PHF3: variants seen among roughly 807,000 people sequenced by gnomAD.
PHF3 encodes the protein PHD finger protein 3.
A neutral mutation model predicts 178.4 loss-of-function variants in PHF3; 41 were observed. The ratio of observed to expected loss-of-function variants is 0.23; its 90% CI spans 0.18 to 0.30. The LOEUF (loss-of-function observed/expected upper bound fraction) is 0.30, where lower values mean the gene tolerates loss of function less well. PHF3 is among the 10% of genes least tolerant of loss of function. The pLI is 1.00. For synonymous variants in PHF3, 842 were observed against 800.5 expected, an observed-to-expected ratio of 1.05 and a Z score of -0.88; for missense variants, 2,346 against 2,398.1, an observed-to-expected ratio of 0.98 and a Z score of 0.45.
Position 63,646,793 on chromosome 6 carries a change from C to G in PHF3, c.242C>G (p.Thr81Arg). 8.6e-7 allele frequency: 1 copy of G among 1,157,508 alleles called. No homozygotes were observed. Among genetic ancestry groups the G allele is most frequent in the Non-Finnish European group, 1.1e-6 (1 of 891,606 alleles). 71.7% of individuals were successfully genotyped at this position (1,157,508 alleles called of 1,614,324 possible). Residue 81 changes from threonine (T) to arginine (R), a missense_variant and splice_region_variant, in exon 2 of 16, where the codon ACA becomes AGA. Physicochemically the swap from Thr to Arg is moderately conservative, Grantham distance 71. Around this residue, in one of 8 missense-constraint regions of PHF3, gnomAD observed 843 missense variants for 795.2 expected, o/e 1.06. Coordinates refer to ENST00000262043, the MANE Select transcript of PHF3 (RefSeq NM_001370348.2). ...NDPNFQMPCS[T>R]VVGLDDIMDE... is the part of the protein sequence containing the mutation. ...CCCAATTTCCAGATGCCTTGTTCAA[C>G]AGGTAATTCTTACTTTTTTTTTTTT...
At chr6:63,681,003 A>G (rs11758738) in intron 3 of PHF3, among the ~76,000 whole-genome samples, 11,874 of 152,104 alleles carry the variant, frequency 0.078, 533 homozygotes, top group East Asian at 0.16. Flanking sequence ...TGTGAGAAAA[A>G]GGAGCTGTGA....
At chr6:63,701,682 A>G (rs78743020) in intron 9 of PHF3, among the ~76,000 whole-genome samples, 1 of 152,148 alleles carries the variant, frequency 6.6e-6, no homozygotes, top group East Asian at 1.9e-4. Flanking sequence ...TTGACATATC[A>G]TACTTCTTCA....
intron 6 of PHF3, among the ~76,000 whole-genome samples, chr6:63,697,247 G>A (rs912704331): frequency 6.6e-6 from 1 of 152,096 alleles, no homozygotes; most frequent in Non-Finnish European, 1.5e-5. Flanking sequence ...AATGTAGGTA[G>A]GTTGGATTTG....
At position 63,698,429 on chromosome 6, in the gene PHF3, T is replaced by A; in HGVS notation, c.2826-20T>A. ...ATGCTTTATACATTTGAAAAATAAT[T>A]GAATTGTTCTAATTTTAAGACTTAC... On this transcript the variant is annotated intron_variant, in intron 7 of 15. Coordinates refer to ENST00000262043, the MANE Select transcript of PHF3 (RefSeq NM_001370348.2). The A allele has an allele frequency of 6.3e-7, 1 of 1,585,874 alleles. No homozygotes were observed. Among genetic ancestry groups the A allele is most frequent in the Non-Finnish European group, 8.6e-7 (1 of 1,166,166 alleles).
In PHF3 at chr6:63,711,932, T is replaced by A; in HGVS notation, c.4344T>A (p.Ile1448=). The A allele has an allele frequency of 6.2e-7, 1 of 1,613,994 alleles. No individual in the cohort carries two copies. The highest frequency in any genetic ancestry group is 8.5e-7 in the Non-Finnish European group (1 of 1,179,944). ...TAAGATTTCTTCCTGGCGTGTTGATTGGCTGGGAGAATCAACCTACTACTC... is the reference window on the plus strand; with the variant it reads ...TAAGATTTCTTCCTGGCGTGTTGATAGGCTGGGAGAATCAACCTACTACTC... ...KPLRFLPGVL[I]GWENQPTTLE... The change falls in exon 16 of 16, where the codon ATT becomes ATA. Residue 1448 remains isoleucine (I), a synonymous_variant. Transcript: ENST00000262043.
At chr6:63,672,741 A>T (rs1034456322) in intron 2 of PHF3, among the ~76,000 whole-genome samples, 2 of 152,318 alleles carry the variant, frequency 1.3e-5, no homozygotes, top group East Asian at 1.9e-4. Context: ...TTAACAGCAG[A>T]CAGATTAGAA....
intron 2 of PHF3, among the ~76,000 whole-genome samples, chr6:63,651,765 T>C (rs915985770): frequency 2.0e-5 from 3 of 152,170 alleles, no homozygotes; most frequent in African/African-American, 4.8e-5. Context: ...TTGTGTGAGC[T>C]CAACTCTTTT....
chr6:63,638,031 C>T (rs1004764216), intron 1 of PHF3, among the ~76,000 whole-genome samples: 8 of 152,070 alleles, frequency 5.3e-5, no homozygotes, highest in African/African-American at 1.9e-4. Flanking sequence ...TTATGGTATA[C>T]TTATATGTTG....
rs1221154513 is a variant in PHF3 at position 63,722,659 on chromosome 6, C to T, written c.*8951C>T. Among the ~76,000 whole-genome samples the T allele has an allele frequency of 6.6e-6, 1 of 152,180 alleles. No individual in the cohort carries two copies. Among genetic ancestry groups the T allele is most frequent in the Admixed American group, 6.6e-5 (1 of 15,264 alleles). ...AGAAGTCTCCACGAAACATTTTCTTCTCCCTCTGAAATTTCCCAACCTTTT... is the reference window on the plus strand; with the variant it reads ...AGAAGTCTCCACGAAACATTTTCTTTTCCCTCTGAAATTTCCCAACCTTTT... On this transcript the variant is annotated 3_prime_UTR_variant, in exon 16 of 16. Coordinates refer to ENST00000262043, the MANE Select transcript of PHF3 (RefSeq NM_001370348.2).
chr6:63,641,350 T>TGC (rs1432756589), intron 1 of PHF3, among the ~76,000 whole-genome samples: 3 of 152,248 alleles, frequency 2.0e-5, no homozygotes. Context: ...CCATCACTAT[T>TGC]GCCTTGTATA....
rs147248191 is a variant in PHF3 at position 63,664,040 on chromosome 6, T to G, written c.245-15960T>G. 6.6e-5 allele frequency among the ~76,000 whole-genome samples: 10 copies of G among 152,292 alleles called. No homozygotes were observed. The East Asian group carries it at 1.9e-3, about 29-fold the overall frequency. On this transcript the variant is annotated intron_variant, in intron 2 of 15. Transcript: ENST00000262043. ...GTGTCATTTTTTTTATGGGTAACCA[T>G]GTACCCAGCTAAAAAATAGGAATTC...
At position 63,724,703 on chromosome 6, in the gene PHF3, T is replaced by C. The variant is rs919320852; in HGVS notation, c.*10995T>C. 6.6e-6 allele frequency among the ~76,000 whole-genome samples: 1 copy of C among 152,170 alleles called. No homozygotes were observed. Among genetic ancestry groups the C allele is most frequent in the African/African-American group, 2.4e-5 (1 of 41,444 alleles). ...ATCTAGTATAATTTTCAAGTTATCATTTTGTTTTAAATTTTACACTACTTG... is the reference window on the plus strand; with the variant it reads ...ATCTAGTATAATTTTCAAGTTATCACTTTGTTTTAAATTTTACACTACTTG... On this transcript the variant is annotated 3_prime_UTR_variant, in exon 16 of 16. Transcript: ENST00000262043.
intron 12 of PHF3, 55 bp downstream of exon 12, chr6:63,706,279 A>C (rs1183559988): frequency 6.6e-6 from 9 of 1,357,170 alleles, no homozygotes; most frequent in Non-Finnish European, 9.1e-6. Context: ...TTGCCAGATT[A>C]TACTTGCAAG....
At chr6:63,679,818 A>T in intron 2 of PHF3, 182 bp from the exon 3 acceptor site, 1 of 649,538 alleles carries the variant, frequency 1.5e-6, no homozygotes, top group Non-Finnish European at 2.8e-6. Context: ...GAAGTTTATA[A>T]AACTGACTTG....
chr6:63,709,083 T>C (rs767330121), intron 13 of PHF3, 68 bp from the exon 14 acceptor site: 2 of 763,378 alleles, frequency 2.6e-6, no homozygotes, highest in Non-Finnish European at 4.1e-6. Context: ...CAAATTTGTA[T>C]GAATTACTAA....
chr6:63,666,130 A>C (rs527453110), intron 2 of PHF3, among the ~76,000 whole-genome samples: 1 of 152,324 alleles, frequency 6.6e-6, no homozygotes, highest in East Asian at 1.9e-4. Context: ...TAATGTATAA[A>C]GTCTAATAAA....
intron 4 of PHF3, among the ~76,000 whole-genome samples, chr6:63,690,478 C>T (rs750031337): frequency 1.2e-4 from 19 of 152,092 alleles, no homozygotes; most frequent in Admixed American, 2.6e-4. Flanking sequence ...GGAACTCACT[C>T]TTGTAGTTTT....
At chr6:63,646,837 A>G in intron 2 of PHF3, 42 bp downstream of exon 2, 1 of 1,240,318 alleles carries the variant, frequency 8.1e-7, no homozygotes, top group Non-Finnish European at 1.0e-6. Context: ...TTAGTCTGCA[A>G]TTTAAAATAA....
chr6:63,680,069 A>G lies in PHF3; in HGVS notation c.314A>G (p.Glu105Gly), dbSNP rs764295347. 1 of 1,612,918 alleles carries G rather than the reference A, an allele frequency of 6.2e-7. No homozygotes were observed. Among genetic ancestry groups the G allele is most frequent in the African/African-American group, 1.3e-5 (1 of 74,860 alleles). ...AGTGGCAATGATACCATTGATGAAG[A>G]AGAACTGATTTTACCTAACAGGAAC... Reference protein sequence around the residue: ...KESGNDTIDEEELILPNRNLR... With the variant: ...KESGNDTIDEGELILPNRNLR... The change falls in exon 3 of 16, where the codon GAA becomes GGA. Residue 105 changes from glutamate (E) to glycine (G), a missense_variant. This residue lies in a region of PHF3 where 843 missense variants were observed against 795.2 expected (regional missense o/e 1.06). Transcript: ENST00000262043.
Sources: allele counts gnomAD v4.1 joint callset (sites outside exome capture counted in the v4.1 genomes callset), GRCh38; gene constraint gnomAD v4.1.1; regional missense constraint gnomAD v4.1.1; transcripts MANE v1.5; gene names NCBI Gene and HGNC (gene_info 2026-07-23, HGNC 2026-07-21).